Variants in GPR149 observed in about 807,000 individuals in gnomAD.
The protein encoded by GPR149 is probable G protein-coupled receptor 149.
GPR149 carries 50 observed loss-of-function variants against 50.2 expected under a neutral mutation model. That is an observed-to-expected ratio of 1.00 (90% CI 0.79 to 1.26). GPR149 has a LOEUF of 1.26. Ranked by LOEUF, GPR149 falls within the 50% of genes most tolerant of loss-of-function variation. The probability of loss-of-function intolerance (pLI) is 0.00; values close to 1 mark genes in which losing one functional copy is unlikely to be tolerated. For missense variants in GPR149, 983 were observed against 895.4 expected (o/e 1.10, Z -1.25); for synonymous variants, 405 against 358.2 (o/e 1.13, Z -1.48).
intron 3 of GPR149, among the ~76,000 whole-genome samples, chr3:154,346,501 G>C (rs542081341): frequency 1.1e-4 from 16 of 152,106 alleles, no homozygotes; most frequent in Non-Finnish European, 1.6e-4. Context: ...CTTCATCAAG[G>C]GTCTGTAAGA....
intron 3 of GPR149, among the ~76,000 whole-genome samples, chr3:154,381,519 A>G (rs1388855697): frequency 6.6e-6 from 1 of 152,232 alleles, no homozygotes; most frequent in Non-Finnish European, 1.5e-5. Context: ...ACAAATTAAT[A>G]CAGCTCTGTT....
At chr3:154,339,329 C>T (rs952662209) in intron 3 of GPR149, among the ~76,000 whole-genome samples, 33 of 152,086 alleles carry the variant, frequency 2.2e-4, no homozygotes, top group African/African-American at 7.5e-4. Flanking sequence ...ATCCATTGCT[C>T]TAACTAAAGA....
At position 154,352,844 on chromosome 3, in the gene GPR149, G is replaced by A. The variant is rs182558934; in HGVS notation, c.1624-14573C>T. The A allele has an allele frequency of 6.4e-5, 59 of 922,906 alleles. No homozygotes were observed. In the African/African-American group the frequency reaches 8.7e-4, roughly 14 times the overall value. The allele number at this position is 922,906 out of a possible 1,614,324, so 57.2% of individuals were successfully genotyped here. ...GCTTTTTGTTCCACATATCTTAGTTGACCTCTTTCTCTTGGTTGATAAAAA... is the reference window on the plus strand; with the variant it reads ...GCTTTTTGTTCCACATATCTTAGTTAACCTCTTTCTCTTGGTTGATAAAAA... On this transcript the variant is annotated intron_variant, in intron 3 of 3. Coordinates refer to ENST00000389740, the MANE Select transcript of GPR149 (RefSeq NM_001038705.3).
chr3:154,370,318 CA>C (rs1264987189), intron 3 of GPR149, among the ~76,000 whole-genome samples: 1 of 151,994 alleles, frequency 6.6e-6, no homozygotes, highest in Admixed American at 6.6e-5. Context: ...AGGAACAGGC[CA>C]AAAGGGACAA....
chr3:154,382,879 T>C (rs1714960228), intron 3 of GPR149, among the ~76,000 whole-genome samples: 3 of 152,218 alleles, frequency 2.0e-5, no homozygotes, highest in Admixed American at 1.3e-4. Context: ...AGTGAATTAG[T>C]CATTCAAAAA....
intron 3 of GPR149, among the ~76,000 whole-genome samples, chr3:154,414,568 A>T (rs565344947): frequency 1.3e-5 from 2 of 152,068 alleles, no homozygotes; most frequent in African/African-American, 4.8e-5. Flanking sequence ...AAAAATTACA[A>T]GGGGGAAAAA....
chr3:154,424,007 T>C (rs193008889), intron 2 of GPR149, among the ~76,000 whole-genome samples: 136 of 151,910 alleles, frequency 9.0e-4, no homozygotes, highest in African/African-American at 3.2e-3. Flanking sequence ...CAAAGGCAAA[T>C]GGGAAAGTTC....
intron 3 of GPR149, among the ~76,000 whole-genome samples, chr3:154,406,650 C>T (rs1017216143): frequency 5.3e-5 from 8 of 152,018 alleles, no homozygotes; most frequent in South Asian, 2.1e-4. Flanking sequence ...ATCATATCTA[C>T]GTGTAAGAAA....
intron 2 of GPR149, 117 bp from the exon 3 acceptor site, chr3:154,421,604 A>G (rs1402128124): frequency 2.3e-5 from 12 of 532,634 alleles, no homozygotes; most frequent in Non-Finnish European, 3.8e-5. Context: ...ACATTTTAAA[A>G]CTATCTTCAT....
intron 3 of GPR149, among the ~76,000 whole-genome samples, chr3:154,341,253 G>C (rs574269083): frequency 1.8e-4 from 24 of 136,060 alleles, no homozygotes; most frequent in African/African-American, 6.3e-4. Flanking sequence ...CATTGTTCTG[G>C]AGGTCCTAGC....
rs10593410 is a variant in GPR149 at position 154,430,139 on chromosome 3, CAGAG to C, written c.-528_-525del. 4.1e-5 allele frequency among the ~76,000 whole-genome samples: 6 copies of C among 147,348 alleles called. No homozygotes were observed. Among genetic ancestry groups the C allele is most frequent in the Admixed American group, 6.8e-5 (1 of 14,796 alleles). ...TTGAAGGTGGAGAGAGAGAGAGAGA[CAGAG>C]AGAGAGAGAGAGAGGGCGAGCGCGA... On this transcript the variant is annotated 5_prime_UTR_variant, in exon 1 of 4. Transcript: ENST00000389740.
intron 3 of GPR149, among the ~76,000 whole-genome samples, chr3:154,374,169 C>CTTTTTTTTTTTTTTTTTTTTTTTTTTTTT (rs3069044): frequency 1.9e-5 from 2 of 103,174 alleles, no homozygotes; most frequent in Non-Finnish European, 3.7e-5. Flanking sequence ...CTTTTCTTTT[C>CTTTTTTTTTTTTTTTTTTTTTTTTTTTTT]TTTTTTTTTT....
chr3:154,338,309 G>C (rs1458212990), intron 3 of GPR149, 38 bp from the exon 4 acceptor site: 1 of 1,434,836 alleles, frequency 7.0e-7, no homozygotes, highest in East Asian at 2.3e-5. Flanking sequence ...TTGAAAGCTA[G>C]GTTCTGAGGT....
intron 3 of GPR149, among the ~76,000 whole-genome samples, chr3:154,344,016 G>C (rs1475927791): frequency 6.6e-6 from 1 of 151,998 alleles, no homozygotes; most frequent in African/African-American, 2.4e-5. Flanking sequence ...AAGAAAAAAT[G>C]TAGAGAATGG....
At chr3:154,425,946 A>G (rs1234251256) in intron 2 of GPR149, among the ~76,000 whole-genome samples, 1 of 145,792 alleles carries the variant, frequency 6.9e-6, no homozygotes, top group Non-Finnish European at 1.5e-5. Flanking sequence ...CCAATTCATT[A>G]TGACTTTTCA....
At chr3:154,375,243 TTC>T (rs1488069947) in intron 3 of GPR149, among the ~76,000 whole-genome samples, 1 of 152,210 alleles carries the variant, frequency 6.6e-6, no homozygotes, top group African/African-American at 2.4e-5. Context: ...ACACTTTGTC[TTC>T]AATAGTTCCA....
At chr3:154,361,454 T>C (rs1714398248) in intron 3 of GPR149, among the ~76,000 whole-genome samples, 1 of 152,240 alleles carries the variant, frequency 6.6e-6, no homozygotes, top group Admixed American at 6.5e-5. Context: ...GCTTTTTCAA[T>C]TGATGGAATT....
chr3:154,415,698 G>C (rs1434552409), intron 3 of GPR149, among the ~76,000 whole-genome samples: 5 of 151,796 alleles, frequency 3.3e-5, no homozygotes, highest in African/African-American at 1.2e-4. Context: ...TGTAAACAGT[G>C]GTTAACTCTG....
intron 3 of GPR149, among the ~76,000 whole-genome samples, chr3:154,400,679 T>G (rs1711532447): frequency 6.6e-6 from 1 of 152,222 alleles, no homozygotes; most frequent in Non-Finnish European, 1.5e-5. Flanking sequence ...CTGCTTCATT[T>G]TTATTGCAAT....
Sources: gnomAD v4.1 joint callset for allele counts (sites outside exome capture counted in the v4.1 genomes callset) on GRCh38, gnomAD v4.1.1 for gene constraint, MANE v1.5 for transcripts, NCBI Gene and HGNC (gene_info 2026-07-23, HGNC 2026-07-21) for gene names.